Variants in KCNQ1OT1 observed in about 807,000 individuals in gnomAD.
KCNQ1OT1 encodes the protein KCNQ1 opposite strand/antisense transcript 1.
In KCNQ1OT1 at chr11:2,645,310, A is replaced by G; in HGVS notation, n.54685T>C. 2.5e-6 allele frequency: 1 copy of G among 398,672 alleles called. No homozygotes were observed. The highest frequency in any genetic ancestry group is 4.4e-6 in the Non-Finnish European group (1 of 226,152). 24.7% of individuals were successfully genotyped at this position (398,672 alleles called of 1,614,324 possible). On this transcript the variant is annotated non_coding_transcript_exon_variant, in exon 1 of 1. Transcript: ENST00000597346. The surrounding 1 kb of genome is among the most constrained non-coding windows in gnomAD (Gnocchi z 5.8). ...AGCCCCCAGGAGTGCTCAGGTGCCA[A>G]CAATACTGGATAGGGCAGGGTGATC... is the stretch of plus-strand genomic sequence containing the variant.
In KCNQ1OT1 at chr11:2,671,459, G is replaced by A; in HGVS notation, n.28536C>T. On this transcript the variant is annotated non_coding_transcript_exon_variant, in exon 1 of 1. Coordinates refer to ENST00000597346, the Ensembl canonical transcript of KCNQ1OT1. This position sits in a 1 kb window ranked among gnomAD's most constrained non-coding sequence, Gnocchi z 4.7. ...CTTTAGCAGGCAGAAGAGCAACCCA[G>A]CAGGGGATATACACAAAGATCTGAG... 2 of 398,620 alleles carry A rather than the reference G, an allele frequency of 5.0e-6. No individual in the cohort carries two copies. The highest frequency in any genetic ancestry group is 8.8e-6 in the Non-Finnish European group (2 of 226,076). 24.7% of individuals were successfully genotyped at this position (398,620 alleles called of 1,614,324 possible).
Position 2,674,225 on chromosome 11 carries a change from A to G in KCNQ1OT1, n.25770T>C. The G allele has an allele frequency of 7.5e-6, 3 of 398,672 alleles. No individual in the cohort carries two copies. The highest frequency in any genetic ancestry group is 8.8e-6 in the Non-Finnish European group (2 of 226,164). 24.7% of individuals were successfully genotyped at this position (398,672 alleles called of 1,614,324 possible). On this transcript the variant is annotated non_coding_transcript_exon_variant, in exon 1 of 1. Coordinates refer to ENST00000597346, the Ensembl canonical transcript of KCNQ1OT1. The surrounding 1 kb of genome is among the most constrained non-coding windows in gnomAD (Gnocchi z 5.9). ...GTTGTGGGTTTTTCTTGGGGCCCAG[A>G]TAGATGTGAGCAGAGCTGGAGGCCC...
Position 2,617,908 on chromosome 11 carries a change from G to A in KCNQ1OT1, n.82087C>T, listed in dbSNP as rs966190668. 5 of 398,408 alleles carry A rather than the reference G, an allele frequency of 1.3e-5. No homozygotes were observed. Among genetic ancestry groups the A allele is most frequent in the African/African-American group, 1.0e-4 (5 of 48,626 alleles). The allele number at this position is 398,408 out of a possible 1,614,324, so 24.7% of individuals were successfully genotyped here. A position where few individuals can be genotyped will look rare whatever the true frequency, so the allele number is the denominator to read the frequency against. On this transcript the variant is annotated non_coding_transcript_exon_variant, in exon 1 of 1. Transcript: ENST00000597346. This position sits in a 1 kb window ranked among gnomAD's most constrained non-coding sequence, Gnocchi z 4.6. ...CTATTTTCTTGTTATTGAGTTGTAT[G>A]CATTCCTTATAAATTTTGGATATTA...
chr11:2,652,676 G>C lies in KCNQ1OT1; in HGVS notation n.47319C>G, dbSNP rs762705649. ...TGGAGACCCGGGTGGGTCGATTTTA[G>C]TTGTGTGGGTGGCTGTGTTGCTCTC... On this transcript the variant is annotated non_coding_transcript_exon_variant, in exon 1 of 1. Coordinates refer to ENST00000597346, the Ensembl canonical transcript of KCNQ1OT1. This position sits in a 1 kb window ranked among gnomAD's most constrained non-coding sequence, Gnocchi z 5.9. 2.0e-5 allele frequency: 8 copies of C among 398,684 alleles called. No homozygotes were observed. The highest frequency in any genetic ancestry group is 3.5e-5 in the Non-Finnish European group (8 of 226,240). The allele number at this position is 398,684 out of a possible 1,614,324, so 24.7% of individuals were successfully genotyped here.
In KCNQ1OT1 at chr11:2,676,191, G is replaced by A. The variant is rs1850291214; in HGVS notation, n.23804C>T. ...TGCCTTTGACTTCTTCCATAGGTAT[G>A]CCATACTTCTTTTTGAGCTGTACAT... On this transcript the variant is annotated non_coding_transcript_exon_variant, in exon 1 of 1. Transcript: ENST00000597346. This position sits in a 1 kb window ranked among gnomAD's most constrained non-coding sequence, Gnocchi z 4.2. 1 of 398,666 alleles carries A rather than the reference G, an allele frequency of 2.5e-6. No individual in the cohort carries two copies. The highest frequency in any genetic ancestry group is 4.4e-6 in the Non-Finnish European group (1 of 226,076). The allele number at this position is 398,666 out of a possible 1,614,324, so 24.7% of individuals were successfully genotyped here.
rs1023419299 is a variant in KCNQ1OT1, at chr11:2,674,332, G to T, written n.25663C>A. 3.2e-5 allele frequency: 12 copies of T among 379,462 alleles called. No individual in the cohort carries two copies. Among genetic ancestry groups the T allele is most frequent in the Non-Finnish European group, 4.7e-6 (1 of 214,388 alleles). 23.5% of individuals were successfully genotyped at this position (379,462 alleles called of 1,614,324 possible). ...AGCTGGAGGCCAAGGACACCCTCTG[G>T]AAATCTGAATTCCATTCGCTCTTGG... On this transcript the variant is annotated non_coding_transcript_exon_variant, in exon 1 of 1. Coordinates refer to ENST00000597346, the Ensembl canonical transcript of KCNQ1OT1. The surrounding 1 kb of genome is among the most constrained non-coding windows in gnomAD (Gnocchi z 5.9).
At position 2,620,679 on chromosome 11, in the gene KCNQ1OT1, A is replaced by G. The variant is rs1849154807; in HGVS notation, n.79316T>C. 2.5e-6 allele frequency: 1 copy of G among 398,420 alleles called. No individual in the cohort carries two copies. The highest frequency in any genetic ancestry group is 2.1e-5 in the African/African-American group (1 of 48,606). 24.7% of individuals were successfully genotyped at this position (398,420 alleles called of 1,614,324 possible). A position where few individuals can be genotyped will look rare whatever the true frequency, so the allele number is the denominator to read the frequency against. The stretch of plus-strand genomic sequence containing the variant: ...AATGCATGTGTCTTTTTGATAGAAC[A>G]ATTTATTTTCCTTTGAATATATATC... On this transcript the variant is annotated non_coding_transcript_exon_variant, in exon 1 of 1. Coordinates refer to ENST00000597346, the Ensembl canonical transcript of KCNQ1OT1. The surrounding 1 kb of genome is among the most constrained non-coding windows in gnomAD (Gnocchi z 4.5).
chr11:2,617,111 T>C lies in KCNQ1OT1; in HGVS notation n.82884A>G. The C allele has an allele frequency of 2.5e-6, 1 of 398,286 alleles. No individual in the cohort carries two copies. Among genetic ancestry groups the C allele is most frequent in the Admixed American group, 4.4e-5 (1 of 22,698 alleles). 24.7% of individuals were successfully genotyped at this position (398,286 alleles called of 1,614,324 possible). On this transcript the variant is annotated non_coding_transcript_exon_variant, in exon 1 of 1. Transcript: ENST00000597346. The surrounding 1 kb of genome is among the most constrained non-coding windows in gnomAD (Gnocchi z 4.6). ...TGAGAAAAGCTATGATCTACTCAAT[T>C]GGCAAAAATTCCAAATGCAATATAC...
At position 2,674,957 on chromosome 11, in the gene KCNQ1OT1, C is replaced by G. The variant is rs954340987; in HGVS notation, n.25038G>C. ...GCCTCGCTTCTGGGGCTGACTGGAG[C>G]TGTTTCTCTTCGTTTCCTCTTACAG... is the stretch of plus-strand genomic sequence containing the variant. On this transcript the variant is annotated non_coding_transcript_exon_variant, in exon 1 of 1. Coordinates refer to ENST00000597346, the Ensembl canonical transcript of KCNQ1OT1. This position sits in a 1 kb window ranked among gnomAD's most constrained non-coding sequence, Gnocchi z 5.9. 1.1e-4 allele frequency: 42 copies of G among 397,418 alleles called. No individual in the cohort carries two copies. The highest frequency in any genetic ancestry group is 4.4e-5 in the Admixed American group (1 of 22,580). 24.6% of individuals were successfully genotyped at this position (397,418 alleles called of 1,614,324 possible). A position where few individuals can be genotyped will look rare whatever the true frequency, so the allele number is the denominator to read the frequency against.
In KCNQ1OT1 at chr11:2,657,406, C is replaced by T; in HGVS notation, n.42589G>A. The T allele has an allele frequency of 2.5e-6, 1 of 398,508 alleles. No individual in the cohort carries two copies. The highest frequency in any genetic ancestry group is 4.4e-6 in the Non-Finnish European group (1 of 226,028). 24.7% of individuals were successfully genotyped at this position (398,508 alleles called of 1,614,324 possible). ...TCTTACTAAAGTTTTACAATTTTCT[C>T]CAGAGTTCTTGCATATACTTAGTTA... On this transcript the variant is annotated non_coding_transcript_exon_variant, in exon 1 of 1. Coordinates refer to ENST00000597346, the Ensembl canonical transcript of KCNQ1OT1. The surrounding 1 kb of genome is among the most constrained non-coding windows in gnomAD (Gnocchi z 4.8).
chr11:2,633,146 T>G (rs1266766241), exon 1 of KCNQ1OT1: 1 of 398,430 alleles, frequency 2.5e-6, no homozygotes, highest in East Asian at 3.6e-5. Context: ...TGGCTTTGAC[T>G]TGCATTTCTG....
chr11:2,628,673 C>T (rs1849300614), exon 1 of KCNQ1OT1: 3 of 398,070 alleles, frequency 7.5e-6, no homozygotes, highest in South Asian at 1.3e-4. Context: ...CGTTTTATTC[C>T]TTGTGCTTTT....
chr11:2,616,689 A>T (rs79748283), exon 1 of KCNQ1OT1: 6,641 of 398,084 alleles, frequency 0.017, 279 homozygotes, highest in East Asian at 0.11. Context: ...TGAATTTGTT[A>T]ATTTTTAGGT....
chr11:2,662,798 G>C (rs1244467749), exon 1 of KCNQ1OT1: 2 of 398,952 alleles, frequency 5.0e-6, no homozygotes, highest in Non-Finnish European at 8.8e-6. Flanking sequence ...TTTGTGTCAA[G>C]ATCTGTGAGT....
Position 2,695,408 on chromosome 11 carries a change from G to A in KCNQ1OT1, n.4587C>T, listed in dbSNP as rs1590037872. On this transcript the variant is annotated non_coding_transcript_exon_variant, in exon 1 of 1. Coordinates refer to ENST00000597346, the Ensembl canonical transcript of KCNQ1OT1. This position sits in a 1 kb window ranked among gnomAD's most constrained non-coding sequence, Gnocchi z 5.2. ...TGTGTAATTTTAATTTAAATACACAGTCATGTACTGAGGCCCTCTTTCTGT... is the reference window on the plus strand; with the variant it reads ...TGTGTAATTTTAATTTAAATACACAATCATGTACTGAGGCCCTCTTTCTGT... 14 of 398,516 alleles carry A rather than the reference G, an allele frequency of 3.5e-5. No homozygotes were observed. In the East Asian group the frequency reaches 4.6e-4, roughly 13 times the overall value. The allele number at this position is 398,516 out of a possible 1,614,324, so 24.7% of individuals were successfully genotyped here.
rs1047278541 is a variant in KCNQ1OT1 at position 2,690,398 on chromosome 11, A to C, written n.9597T>G. Reference sequence around the variant, plus strand: ...GAACATGTGCCAGACCAAAAGAGCTATCTCTCTCCCTGCGAAAGGCTGGGG... The same window carrying C: ...GAACATGTGCCAGACCAAAAGAGCTCTCTCTCTCCCTGCGAAAGGCTGGGG... On this transcript the variant is annotated non_coding_transcript_exon_variant, in exon 1 of 1. Transcript: ENST00000597346. This position sits in a 1 kb window ranked among gnomAD's most constrained non-coding sequence, Gnocchi z 5.1. 1.5e-5 allele frequency: 6 copies of C among 398,590 alleles called. No individual in the cohort carries two copies. The highest frequency in any genetic ancestry group is 1.0e-4 in the African/African-American group (5 of 48,642). 24.7% of individuals were successfully genotyped at this position (398,590 alleles called of 1,614,324 possible). A position where few individuals can be genotyped will look rare whatever the true frequency, so the allele number is the denominator to read the frequency against.
chr11:2,669,990 G>A lies in KCNQ1OT1; in HGVS notation n.30005C>T, dbSNP rs1001629474. 8 of 398,672 alleles carry A rather than the reference G, an allele frequency of 2.0e-5. No individual in the cohort carries two copies. Among genetic ancestry groups the A allele is most frequent in the South Asian group, 1.3e-4 (1 of 7,862 alleles). The allele number at this position is 398,672 out of a possible 1,614,324, so 24.7% of individuals were successfully genotyped here. A position where few individuals can be genotyped will look rare whatever the true frequency, so the allele number is the denominator to read the frequency against. On this transcript the variant is annotated non_coding_transcript_exon_variant, in exon 1 of 1. Transcript: ENST00000597346. This position sits in a 1 kb window ranked among gnomAD's most constrained non-coding sequence, Gnocchi z 5.6. Reference sequence around the variant, plus strand: ...TCCCCAAGTCACAACCTCAAATCTCGGAATGGGGTTCAGGAGCTGTTGGGG... The same window carrying A: ...TCCCCAAGTCACAACCTCAAATCTCAGAATGGGGTTCAGGAGCTGTTGGGG...
exon 1 of KCNQ1OT1, chr11:2,685,107 C>T (rs1030714768): frequency 7.5e-6 from 3 of 398,610 alleles, no homozygotes. Context: ...GCCCTTTTGG[C>T]ACGGGGGGTC....
chr11:2,694,642 C>A (rs1850643768), exon 1 of KCNQ1OT1: 2 of 398,638 alleles, frequency 5.0e-6, no homozygotes, highest in East Asian at 7.1e-5. Context: ...CAACAGAAAT[C>A]TGTGACACAC....
Sources: allele counts gnomAD v4.1 joint callset, GRCh38; gene constraint gnomAD v4.1.1; non-coding constraint Gnocchi (gnomAD v3.1); transcripts MANE v1.5; gene names NCBI Gene and HGNC (gene_info 2026-07-23, HGNC 2026-07-21).